The following INCENP variants were observed in gnomAD, a reference collection of about 807,000 sequenced individuals.
The protein encoded by INCENP is binds and activates aurora-B and -C in vivo and in vitro.
In INCENP, 43 loss-of-function variants were observed where a neutral mutation model predicts 107.3. The observed-to-expected ratio is 0.40, with a 90% CI of 0.31 to 0.52. INCENP has a LOEUF of 0.52. Among genes scored for constraint, INCENP ranks in the 20% least tolerant of loss-of-function variants. The probability of loss-of-function intolerance (pLI) is 0.53; values close to 1 mark genes in which losing one functional copy is unlikely to be tolerated. For missense variants in INCENP, 1,089 were observed against 1,250.9 expected, an observed-to-expected ratio of 0.87 and a Z score of 1.95; for synonymous variants, 488 against 494.4, an observed-to-expected ratio of 0.99 and a Z score of 0.17.
chr11:62,137,715 C>A, intron 4 of INCENP, 117 bp from the exon 5 acceptor site: 1 of 855,828 alleles, frequency 1.2e-6, no homozygotes, highest in South Asian at 1.4e-5. Flanking sequence ...GGGGGCTCCA[C>A]GGCTAGTGAT....
At chr11:62,141,546 C>T in intron 11 of INCENP, 35 bp downstream of exon 11, 2 of 1,613,686 alleles carry the variant, frequency 1.2e-6, no homozygotes, top group Non-Finnish European at 1.7e-6. Context: ...TAACCTCGCC[C>T]CACCTAGCAC....
At chr11:62,137,909 G>GGTA in intron 5 of INCENP, 26 bp downstream of exon 5, 2 of 1,605,398 alleles carry the variant, frequency 1.2e-6, no homozygotes, top group Non-Finnish European at 1.7e-6. Flanking sequence ...GGGCTTCGGA[G>GGTA]GTAGGCAGGG....
rs1209975225 is a variant in INCENP at position 62,148,360 on chromosome 11, T to C, written c.2205-116T>C. The stretch of plus-strand genomic sequence containing the variant: ...TCTAAGCTGGTTGCCCATTCAGCAA[T>C]CCCACTTTCTAAGGTGTGTCCTACT... On this transcript the variant is annotated intron_variant, in intron 15 of 18. Transcript: ENST00000394818. 6 of 940,560 alleles carry C rather than the reference T, an allele frequency of 6.4e-6. No individual in the cohort carries two copies. In the African/African-American group the frequency reaches 1.0e-4, roughly 16 times the overall value. The allele number at this position is 940,560 out of a possible 1,614,324, so 58.3% of individuals were successfully genotyped here.
chr11:62,130,588 T>C lies in INCENP; in HGVS notation c.1061T>C (p.Ile354Thr), dbSNP rs893066718. The change falls in exon 4 of 19, where the codon ATC (isoleucine) becomes ACC (threonine). Residue 354 changes from isoleucine (I) to threonine (T), a missense_variant and splice_region_variant. By Grantham distance (89) the Ile-to-Thr change is moderately conservative. Coordinates refer to ENST00000394818, the MANE Select transcript of INCENP (RefSeq NM_001040694.2). ...GAGCCAGCTGCCTCTGGCCGCATCA[T>C]CTGTGAGTCTGGGGGCTTGGCAGTG... ...AEEPAASGRI[I>T]CHSYLERLLN... 1.9e-6 allele frequency: 3 copies of C among 1,608,980 alleles called. No individual in the cohort carries two copies. The African/African-American group carries it at 4.0e-5, about 21-fold the overall frequency.
Position 62,130,156 on chromosome 11 carries a change from G to C in INCENP, c.629G>C (p.Gly210Ala). 6.2e-7 allele frequency: 1 copy of C among 1,613,840 alleles called. No homozygotes were observed. Among genetic ancestry groups the C allele is most frequent in the Non-Finnish European group, 8.5e-7 (1 of 1,180,020 alleles). ...TCAGCCACAGCTCCAACCTCCCAGG[G>C]CATCCCGACATCAGATGAGGAATCA... Reference protein sequence around the residue: ...PASATAPTSQGIPTSDEESTP... With the variant: ...PASATAPTSQAIPTSDEESTP... Residue 210 changes from glycine to alanine, a missense_variant, in exon 4 of 19, where the codon GGC (glycine) becomes GCC (alanine). Physicochemically the swap from Gly to Ala is moderately conservative, Grantham distance 60. Coordinates refer to ENST00000394818, the MANE Select transcript of INCENP (RefSeq NM_001040694.2).
chr11:62,139,083 G>A, intron 7 of INCENP, 78 bp downstream of exon 7: 2 of 995,714 alleles, frequency 2.0e-6, no homozygotes, highest in East Asian at 2.4e-5. Flanking sequence ...CCTTCTCTCT[G>A]GGGATAAGGA....
At chr11:62,139,557 C>T (rs951816215) in intron 7 of INCENP, among the ~76,000 whole-genome samples, 4 of 152,222 alleles carry the variant, frequency 2.6e-5, no homozygotes, top group Non-Finnish European at 5.9e-5. Flanking sequence ...ACGACGTGGT[C>T]AGGGACAATG....
In INCENP at chr11:62,137,902, C is replaced by A; in HGVS notation, c.1115+19C>A. 1 of 1,611,056 alleles carries A rather than the reference C, an allele frequency of 6.2e-7. No homozygotes were observed. The highest frequency in any genetic ancestry group is 8.5e-7 in the Non-Finnish European group (1 of 1,177,222). On this transcript the variant is annotated intron_variant, in intron 5 of 18. Coordinates refer to ENST00000394818, the MANE Select transcript of INCENP (RefSeq NM_001040694.2). ...AAGTTGGGTGAGTTCAGTTCCAGGG[C>A]TTCGGAGGTAGGCAGGGCATACCAG... is the stretch of plus-strand genomic sequence containing the variant.
In INCENP at chr11:62,130,387, C is replaced by T. The variant is rs535973051; in HGVS notation, c.860C>T (p.Pro287Leu). 14 of 1,612,960 alleles carry T rather than the reference C, an allele frequency of 8.7e-6. No individual in the cohort carries two copies. The highest frequency in any genetic ancestry group is 2.2e-5 in the East Asian group (1 of 44,882). Reference sequence around the variant, plus strand: ...GAGCGGGTGCTGGCTCCCATCCTGCCGGATAACTTCTCCACGCCCACGGGC... The same window carrying T: ...GAGCGGGTGCTGGCTCCCATCCTGCTGGATAACTTCTCCACGCCCACGGGC... Reference protein sequence around the residue: ...WRERVLAPILPDNFSTPTGSR... With the variant: ...WRERVLAPILLDNFSTPTGSR... Residue 287 changes from proline to leucine, a missense_variant, in exon 4 of 19, where the codon CCG becomes CTG. Physicochemically the swap from Pro to Leu is moderately conservative, Grantham distance 98. Transcript: ENST00000394818.
chr11:62,151,324 G>A (rs2134689225), intron 18 of INCENP, among the ~76,000 whole-genome samples: 1 of 152,314 alleles, frequency 6.6e-6, no homozygotes, highest in Non-Finnish European at 1.5e-5. Context: ...CCTCAGCACT[G>A]CACCAGGGCC....
chr11:62,144,063 A>G (rs3867139), intron 11 of INCENP, among the ~76,000 whole-genome samples: 9,367 of 152,246 alleles, frequency 0.062, 932 homozygotes, highest in African/African-American at 0.21. Context: ...TGGGTGTGGT[A>G]GCTCACACCT....
rs369605966 is a variant in INCENP at position 62,130,216 on chromosome 11, C to T, written c.689C>T (p.Ser230Phe). 99 of 1,613,726 alleles carry T rather than the reference C, an allele frequency of 6.1e-5. No individual in the cohort carries two copies. In the East Asian group the frequency reaches 8.2e-4, roughly 13 times the overall value. Reference sequence around the variant, plus strand: ...AAGTCGAAGGCCAGGATACTGGAGTCCATCACAGTGAGCTCCCTGATGGCT... The same window carrying T: ...AAGTCGAAGGCCAGGATACTGGAGTTCATCACAGTGAGCTCCCTGATGGCT... The part of the protein sequence containing the change: ...PKKSKARILE[S>F]ITVSSLMATP... The change falls in exon 4 of 19, where the codon TCC (serine) becomes TTC (phenylalanine). Residue 230 changes from serine (S) to phenylalanine (F), a missense_variant. Coordinates refer to ENST00000394818, the MANE Select transcript of INCENP (RefSeq NM_001040694.2).
intron 4 of INCENP, among the ~76,000 whole-genome samples, chr11:62,135,457 G>A (rs976838791): frequency 1.6e-4 from 24 of 151,984 alleles, no homozygotes; most frequent in Non-Finnish European, 2.5e-4. Flanking sequence ...TAGAGACGGG[G>A]TTTCACCATG....
At chr11:62,148,637 A>G in intron 16 of INCENP, 83 bp downstream of exon 16, 1 of 1,218,242 alleles carries the variant, frequency 8.2e-7, no homozygotes, top group Non-Finnish European at 1.1e-6. Context: ...GGGGCTGCCT[A>G]GGGAGGGGAG....
chr11:62,143,051 G>GC (rs1416988741), intron 11 of INCENP, among the ~76,000 whole-genome samples: 2 of 45,478 alleles, frequency 4.4e-5, no homozygotes, highest in African/African-American at 1.4e-4. Flanking sequence ...CATAGGATTT[G>GC]GCCACACTTT....
At position 62,145,892 on chromosome 11, in the gene INCENP, A is replaced by G. The variant is rs545975557; in HGVS notation, c.1959+141A>G. On this transcript the variant is annotated intron_variant, in intron 14 of 18. Coordinates refer to ENST00000394818, the MANE Select transcript of INCENP (RefSeq NM_001040694.2). ...CTTCATGCTAAGAAGGAGGTTTCCC[A>G]GAAGTCTCCAGGGCGGGGATGGTGA... The G allele has an allele frequency of 3.0e-4, 314 of 1,038,446 alleles. 2 individuals carry two copies. Among genetic ancestry groups the G allele is most frequent in the Non-Finnish European group, 4.0e-4 (289 of 730,764 alleles). The allele number at this position is 1,038,446 out of a possible 1,614,324, so 64.3% of individuals were successfully genotyped here.
chr11:62,143,229 C>T (rs1944163612), intron 11 of INCENP, among the ~76,000 whole-genome samples: 1 of 152,242 alleles, frequency 6.6e-6, no homozygotes, highest in Non-Finnish European at 1.5e-5. Flanking sequence ...ACTGCTGCTG[C>T]CCCTGGTTGC....
intron 4 of INCENP, among the ~76,000 whole-genome samples, chr11:62,136,335 C>T (rs1296510160): frequency 6.6e-6 from 1 of 152,170 alleles, no homozygotes; most frequent in Non-Finnish European, 1.5e-5. Context: ...GCACACTTCC[C>T]ACCTCAGCAC....
intron 4 of INCENP, among the ~76,000 whole-genome samples, chr11:62,132,344 C>T (rs1171272170): frequency 6.6e-6 from 1 of 152,150 alleles, no homozygotes. Flanking sequence ...TGTGCAAGGC[C>T]GCAGGGCAGG....
Sources: gnomAD v4.1 joint callset for allele counts (sites outside exome capture counted in the v4.1 genomes callset) on GRCh38, gnomAD v4.1.1 for gene constraint, MANE v1.5 for transcripts, NCBI Gene and HGNC (gene_info 2026-07-23, HGNC 2026-07-21) for gene names.